The following ZFYVE26 variants were observed in gnomAD, a reference collection of about 807,000 sequenced individuals.
The protein encoded by ZFYVE26 is zinc finger FYVE domain-containing protein 26.
In ZFYVE26, 181 loss-of-function variants were observed where a neutral mutation model predicts 276.5. The observed-to-expected ratio is 0.65, with a 90% CI of 0.58 to 0.74. The LOEUF (loss-of-function observed/expected upper bound fraction) is 0.74. Ranked by LOEUF, ZFYVE26 falls within the 30% of genes least tolerant of loss-of-function variation. ZFYVE26 has a pLI of 0.00. For synonymous variants in ZFYVE26, 1,129 were observed against 1,203.1 expected (o/e 0.94, Z 1.27); for missense variants, 2,821 against 3,097.9 (o/e 0.91, Z 2.12).
In ZFYVE26 at chr14:67,783,524, G is replaced by T. The variant is rs2039566220; in HGVS notation, c.3628C>A (p.Leu1210Met). 6 of 1,612,386 alleles carry T rather than the reference G, an allele frequency of 3.7e-6. No homozygotes were observed. The East Asian group carries it at 1.1e-4, about 30-fold the overall frequency. Residue 1210 changes from leucine (L) to methionine (M), a missense_variant and splice_region_variant, in exon 21 of 42, where the codon CTG (leucine) becomes ATG (methionine). Physicochemically the swap from Leu to Met is conservative, Grantham distance 15. Coordinates refer to ENST00000347230, the MANE Select transcript of ZFYVE26 (RefSeq NM_015346.4). ...TTCTCTTGGGCCAGAAGGGCTGCCA[G>T]TCTGGAAGGAGAGAAGCAGAAAGCA... is the stretch of plus-strand genomic sequence containing the variant. Reference protein sequence around the residue: ...LFERQVPPERLAALLAQENLS... With the variant: ...LFERQVPPERMAALLAQENLS...
rs766035701 is a variant in ZFYVE26, at chr14:67,793,634, G to C, written c.2527C>G (p.Arg843Gly). ...PESLLASCIL[R>G]GNFAEAHQVL... is the part of the protein sequence containing the mutation. ...TGATGGGCTTCTGCGAAGTTCCCGCGAAGGATGCAGGATGCCAGCAGTGAC... is the reference window on the plus strand; with the variant it reads ...TGATGGGCTTCTGCGAAGTTCCCGCCAAGGATGCAGGATGCCAGCAGTGAC... The change falls in exon 14 of 42, where the codon CGC becomes GGC. Residue 843 changes from arginine to glycine, a missense_variant. Coordinates refer to ENST00000347230, the MANE Select transcript of ZFYVE26 (RefSeq NM_015346.4). 1.9e-6 allele frequency: 3 copies of C among 1,613,766 alleles called. No homozygotes were observed. Among genetic ancestry groups the C allele is most frequent in the Non-Finnish European group, 2.5e-6 (3 of 1,179,822 alleles).
chr14:67,759,153 G>A (rs1269608082), intron 35 of ZFYVE26, among the ~76,000 whole-genome samples: 1 of 149,400 alleles, frequency 6.7e-6, no homozygotes, highest in African/African-American at 2.4e-5. Context: ...GCTGAGGCAG[G>A]AGAAGGGTGT....
intron 13 of ZFYVE26, among the ~76,000 whole-genome samples, chr14:67,737,357 C>T (rs1385698113): frequency 6.6e-6 from 1 of 152,042 alleles, no homozygotes; most frequent in African/African-American, 2.4e-5. Context: ...CCGGGGAGGC[C>T]TCAGGAAACT....
chr14:67,789,541 T>G lies in ZFYVE26; in HGVS notation c.2813A>C (p.Asp938Ala), dbSNP rs777379622. 13 of 1,613,904 alleles carry G rather than the reference T, an allele frequency of 8.1e-6. No homozygotes were observed. In the Admixed American group the frequency reaches 2.2e-4, roughly 27 times the overall value. Residue 938 changes from aspartate (D) to alanine (A), a missense_variant, in exon 16 of 42, where the codon GAC becomes GCC. By Grantham distance (126) the Asp-to-Ala change is moderately radical. Coordinates refer to ENST00000347230, the MANE Select transcript of ZFYVE26 (RefSeq NM_015346.4). ...GTCCTCCTGGAGCATGGGGATGGGG[T>G]CTCCAGAGGTGTTGAGCAGCTTGTC... Reference protein sequence around the residue: ...VTDKLLNTSGDPIPMLQEDFW... With the variant: ...VTDKLLNTSGAPIPMLQEDFW...
intron 35 of ZFYVE26, 46 bp from the exon 36 acceptor site, chr14:67,756,191 T>C (rs769030057): frequency 3.8e-6 from 6 of 1,593,244 alleles, no homozygotes; most frequent in Non-Finnish European, 5.2e-6. Flanking sequence ...AGCCTGGTTC[T>C]GGCACTGTCT....
At chr14:67,811,845 A>G (rs1345424272) in intron 3 of ZFYVE26, among the ~76,000 whole-genome samples, 1 of 147,324 alleles carries the variant, frequency 6.8e-6, no homozygotes, top group African/African-American at 2.5e-5. Context: ...TATGAAATAT[A>G]TAATATATAA....
Position 67,807,379 on chromosome 14 carries a change from A to G in ZFYVE26, c.886+19T>C. The G allele has an allele frequency of 6.2e-7, 1 of 1,613,932 alleles. No homozygotes were observed. Among genetic ancestry groups the G allele is most frequent in the Non-Finnish European group, 8.5e-7 (1 of 1,180,030 alleles). On this transcript the variant is annotated intron_variant, in intron 5 of 41. Transcript: ENST00000347230. ...CTGGAATTACTGAAACTAAAGGAGC[A>G]GCAGCAAAGGGAACACACCTTTTCC...
At chr14:67,792,229 A>G (rs1395128387) in intron 14 of ZFYVE26, among the ~76,000 whole-genome samples, 1 of 152,156 alleles carries the variant, frequency 6.6e-6, no homozygotes, top group Non-Finnish European at 1.5e-5. Flanking sequence ...TCAAAAACTG[A>G]ACTCACATGA....
Position 67,783,246 on chromosome 14 carries a change from G to C in ZFYVE26, c.3906C>G (p.Ser1302=), listed in dbSNP as rs780519840. 3 of 1,614,078 alleles carry C rather than the reference G, an allele frequency of 1.9e-6. No homozygotes were observed. Among genetic ancestry groups the C allele is most frequent in the Non-Finnish European group, 2.5e-6 (3 of 1,179,928 alleles). ...GTGACTTAAGAAAGGCCAAGGCAGA[G>C]GAGGTGAGGGCTGGGAGTGATGAGT... ...PRDSSLPALT[S]SALAFLKSRS... Residue 1302 remains serine, a synonymous_variant, in exon 21 of 42, where the codon TCC becomes TCG. Transcript: ENST00000347230.
intron 28 of ZFYVE26, chr14:67,770,415 G>A: frequency 7.7e-6 from 1 of 130,400 alleles, no homozygotes. Flanking sequence ...AGTGAGCAGA[G>A]ATCACACCAC....
At chr14:67,794,923 T>C (rs1203287303) in intron 12 of ZFYVE26, among the ~76,000 whole-genome samples, 1 of 152,182 alleles carries the variant, frequency 6.6e-6, no homozygotes, top group Non-Finnish European at 1.5e-5. Context: ...CACTTCAGCC[T>C]GGGTGACAGA....
rs1237366444 is a variant in ZFYVE26, at chr14:67,768,576, A to T, written c.5622-28T>A. The T allele has an allele frequency of 2.5e-6, 4 of 1,612,674 alleles. No individual in the cohort carries two copies. In the African/African-American group the frequency reaches 5.3e-5, roughly 21 times the overall value. On this transcript the variant is annotated intron_variant, in intron 29 of 41. Coordinates refer to ENST00000347230, the MANE Select transcript of ZFYVE26 (RefSeq NM_015346.4). The stretch of plus-strand genomic sequence containing the variant: ...GAAAACAGAGAAAGAAAAATTATTA[A>T]ATAAATGCCTGAGTCACTTCTTTGT...
downstream of ZFYVE26, among the ~76,000 whole-genome samples, chr14:67,746,127 G>A (rs2038483953): frequency 6.6e-6 from 1 of 152,056 alleles, no homozygotes; most frequent in Admixed American, 6.5e-5. Flanking sequence ...TTGTGGTATA[G>A]CTTCACAGTG....
chr14:67,729,274 T>C, exon 14 of ZFYVE26: 2 of 1,606,588 alleles, frequency 1.2e-6, no homozygotes, highest in Admixed American at 1.7e-5. Flanking sequence ...CTGCCTGCTC[T>C]GGCGGCTCTT....
rs763605079 is a variant in ZFYVE26, at chr14:67,783,221, G to A, written c.3931C>T (p.Arg1311Cys). Residue 1311 changes from arginine to cysteine, a missense_variant, in exon 21 of 42, where the codon CGC becomes TGC. Physicochemically the swap from Arg to Cys is radical, Grantham distance 180. Coordinates refer to ENST00000347230, the MANE Select transcript of ZFYVE26 (RefSeq NM_015346.4). ...TSSALAFLKS[R>C]SKLLATVACL... Reference sequence around the variant, plus strand: ...GCCACCGTAGCTAGGAGCTTTGAGCGTGACTTAAGAAAGGCCAAGGCAGAG... The same window carrying A: ...GCCACCGTAGCTAGGAGCTTTGAGCATGACTTAAGAAAGGCCAAGGCAGAG... The A allele has an allele frequency of 1.5e-5, 24 of 1,613,612 alleles. No individual in the cohort carries two copies. Among genetic ancestry groups the A allele is most frequent in the Admixed American group, 5.0e-5 (3 of 59,978 alleles).
At chr14:67,735,881 C>T (rs1381270477) in intron 13 of ZFYVE26, among the ~76,000 whole-genome samples, 1 of 152,236 alleles carries the variant, frequency 6.6e-6, no homozygotes, top group Non-Finnish European at 1.5e-5. Context: ...CAAACAGTTT[C>T]AGAGCACCGA....
intron 13 of ZFYVE26, among the ~76,000 whole-genome samples, chr14:67,736,035 G>A (rs1428074896): frequency 6.6e-6 from 1 of 152,058 alleles, no homozygotes; most frequent in Non-Finnish European, 1.5e-5. Context: ...GTTATAAGAT[G>A]GACACTCAGT....
Position 67,731,207 on chromosome 14 carries a change from C to CT in ZFYVE26, n.2680-1389dup, listed in dbSNP as rs71129853. Among the ~76,000 whole-genome samples the CT allele has an allele frequency of 7.5e-3, 680 of 90,600 alleles. 1 individual carries two copies. Among genetic ancestry groups the CT allele is most frequent in the African/African-American group, 0.031 (625 of 20,368 alleles). 59.4% of individuals were successfully genotyped at this position (90,600 alleles called of 152,430 possible). Reference sequence around the variant, plus strand: ...TGTTTCTCATCATATTTCTTTCTTTCTTTTTTTTTTTTTTTTTTTTTTTTG... The same window carrying CT: ...TGTTTCTCATCATATTTCTTTCTTTCTTTTTTTTTTTTTTTTTTTTTTTTTG... On this transcript the variant is annotated intron_variant and non_coding_transcript_variant, in intron 13 of 14. Transcript: ENST00000394455.
chr14:67,757,357 G>A (rs2038804877), intron 35 of ZFYVE26, among the ~76,000 whole-genome samples: 2 of 152,174 alleles, frequency 1.3e-5, no homozygotes, highest in Non-Finnish European at 2.9e-5. Context: ...TGACCTTTCT[G>A]ACTTTATCTG....
Sources: gnomAD v4.1 joint callset for allele counts (sites outside exome capture counted in the v4.1 genomes callset) on GRCh38, gnomAD v4.1.1 for gene constraint, MANE v1.5 for transcripts, NCBI Gene and HGNC (gene_info 2026-07-23, HGNC 2026-07-21) for gene names.